The following FOXI2 variants were observed in gnomAD, a reference collection of about 807,000 sequenced individuals.
FOXI2 encodes forkhead box protein I2.
Under a neutral mutation model 14.3 loss-of-function variants are expected in FOXI2, and 17 were observed. The ratio of observed to expected loss-of-function variants is 1.19; its 90% CI spans 0.81 to 1.78. The LOEUF is 1.78. Among genes scored for constraint, FOXI2 ranks in the 40% most tolerant of loss-of-function variants. The pLI, the probability that FOXI2 is intolerant of heterozygous loss-of-function variation, is 0.00. For missense variants in FOXI2, 541 were observed against 460.0 expected (o/e 1.18, Z -1.61); for synonymous variants, 240 against 218.8 (o/e 1.10, Z -0.85).
In FOXI2 at chr10:127,740,040, A is replaced by C. The variant is rs1846495024; in HGVS notation, c.*1075A>C. On this transcript the variant is annotated 3_prime_UTR_variant, in exon 2 of 2. Transcript: ENST00000388920. ...CACCCACACTCACACCCACACTCAC[A>C]CTGACACCCACACTCACACCCACAC... is the stretch of plus-strand genomic sequence containing the variant. 2.5e-5 allele frequency: 3 copies of C among 119,114 alleles called. No homozygotes were observed. The highest frequency in any genetic ancestry group is 5.3e-5 in the Non-Finnish European group (3 of 56,740). The allele number at this position is 119,114 out of a possible 1,614,324, so 7.4% of individuals were successfully genotyped here. A position where few individuals can be genotyped will look rare whatever the true frequency, so the allele number is the denominator to read the frequency against.
rs1455881208 is a variant in FOXI2 at position 127,739,895 on chromosome 10, ACACT to A, written c.*934_*937del. The A allele has an allele frequency of 3.0e-4, 13 of 43,264 alleles. No individual in the cohort carries two copies. Among genetic ancestry groups the A allele is most frequent in the South Asian group, 1.9e-3 (1 of 518 alleles). 2.7% of individuals were successfully genotyped at this position (43,264 alleles called of 1,614,324 possible). On this transcript the variant is annotated 3_prime_UTR_variant, in exon 2 of 2. Transcript: ENST00000388920. ...CACACTCACACCCACACCCACACCC[ACACT>A]CACACACACTCACACCCACACCCAC...
At position 127,740,076 on chromosome 10, in the gene FOXI2, A is replaced by T. The variant is rs1328557722; in HGVS notation, c.*1111A>T. ...CACTCACACCCACACTCATACTCACACTCACACCCACACTCACACTCACAC... is the reference window on the plus strand; with the variant it reads ...CACTCACACCCACACTCATACTCACTCTCACACCCACACTCACACTCACAC... On this transcript the variant is annotated 3_prime_UTR_variant, in exon 2 of 2. Transcript: ENST00000388920. 8.0e-6 allele frequency: 1 copy of T among 124,762 alleles called. No homozygotes were observed. Among genetic ancestry groups the T allele is most frequent in the Admixed American group, 8.2e-5 (1 of 12,250 alleles). 7.7% of individuals were successfully genotyped at this position (124,762 alleles called of 1,614,324 possible). A position where few individuals can be genotyped will look rare whatever the true frequency, so the allele number is the denominator to read the frequency against.
chr10:127,737,359 C>G lies in FOXI2; in HGVS notation c.86C>G (p.Pro29Arg). The change falls in exon 1 of 2, where the codon CCA (proline) becomes CGA (arginine). Residue 29 changes from proline (P) to arginine (R), a missense_variant. By Grantham distance (103) the Pro-to-Arg change is moderately radical. Coordinates refer to ENST00000388920, the MANE Select transcript of FOXI2 (RefSeq NM_207426.3). ...ACCGCGCACCCCCCGGGCTATGAGC[C>G]AGGGGATCTGGGCGCGGTGGGCGGG... The part of the protein sequence containing the change: ...QATAHPPGYE[P>R]GDLGAVGGGP... 7.1e-7 allele frequency: 1 copy of G among 1,415,512 alleles called. No individual in the cohort carries two copies. Among genetic ancestry groups the G allele is most frequent in the Non-Finnish European group, 9.1e-7 (1 of 1,099,844 alleles). The allele number at this position is 1,415,512 out of a possible 1,614,324, so 87.7% of individuals were successfully genotyped here.
At chr10:127,738,166 C>T (rs1200845849) in intron 1 of FOXI2, among the ~76,000 whole-genome samples, 1 of 152,162 alleles carries the variant, frequency 6.6e-6, no homozygotes, top group Non-Finnish European at 1.5e-5. Context: ...AATAGGATGC[C>T]CGTTTGGAAA....
At position 127,741,035 on chromosome 10, in the gene FOXI2, A is replaced by G. The variant is rs145832367; in HGVS notation, c.*2070A>G. ...TAACTAAACTCACAACCAACCCGCA[A>G]TCTCTCTTGGGGGGACACTCCCCAT... On this transcript the variant is annotated 3_prime_UTR_variant, in exon 2 of 2. Transcript: ENST00000388920. 3 of 152,278 alleles carry G rather than the reference A, an allele frequency of 2.0e-5. No homozygotes were observed. The highest frequency in any genetic ancestry group is 2.1e-4 in the South Asian group (1 of 4,816). The allele number at this position is 152,278 out of a possible 1,614,324, so 9.4% of individuals were successfully genotyped here.
Position 127,737,234 on chromosome 10 carries a change from C to A in FOXI2, c.-40C>A. On this transcript the variant is annotated 5_prime_UTR_variant, in exon 1 of 2. Transcript: ENST00000388920. ...AGCTGGATGGGTCGCCAGTGAGTTT[C>A]GGTGCGGCACCGCTGGCCCAGGCCC... The A allele has an allele frequency of 6.8e-7, 1 of 1,464,684 alleles. No individual in the cohort carries two copies. Among genetic ancestry groups the A allele is most frequent in the South Asian group, 1.3e-5 (1 of 75,864 alleles). 90.7% of individuals were successfully genotyped at this position (1,464,684 alleles called of 1,614,324 possible).
rs746481067 is a variant in FOXI2 at position 127,738,803 on chromosome 10, C to A, written c.795C>A (p.Gly265=). ...LAGGLGTFPG[G]LAGDFSFGRR... Reference sequence around the variant, plus strand: ...GCGGCCTTGGCACCTTCCCCGGGGGCCTGGCGGGCGACTTTTCTTTCGGGA... The same window carrying A: ...GCGGCCTTGGCACCTTCCCCGGGGGACTGGCGGGCGACTTTTCTTTCGGGA... The change falls in exon 2 of 2, where the codon GGC becomes GGA. Residue 265 remains glycine, a synonymous_variant. Transcript: ENST00000388920. The A allele has an allele frequency of 9.3e-6, 15 of 1,606,222 alleles. No homozygotes were observed. Among genetic ancestry groups the A allele is most frequent in the Non-Finnish European group, 1.3e-5 (15 of 1,177,090 alleles).
Position 127,740,069 on chromosome 10 carries a change from T to TGACACCCACACCCAC in FOXI2, c.*1104_*1105insGACACCCACACCCAC, listed in dbSNP as rs1554874515. On this transcript the variant is annotated 3_prime_UTR_variant, in exon 2 of 2. Coordinates refer to ENST00000388920, the MANE Select transcript of FOXI2 (RefSeq NM_207426.3). The stretch of plus-strand genomic sequence containing the variant: ...ACACCCACACTCACACCCACACTCA[T>TGACACCCACACCCAC]ACTCACACTCACACCCACACTCACA... 3 of 62,064 alleles carry TGACACCCACACCCAC rather than the reference T, an allele frequency of 4.8e-5. No individual in the cohort carries two copies. Among genetic ancestry groups the TGACACCCACACCCAC allele is most frequent in the Admixed American group, 1.6e-4 (1 of 6,064 alleles). 3.8% of individuals were successfully genotyped at this position (62,064 alleles called of 1,614,324 possible).
Position 127,738,768 on chromosome 10 carries a change from G to C in FOXI2, c.760G>C (p.Ala254Pro), listed in dbSNP as rs754073790. 1 of 1,604,836 alleles carries C rather than the reference G, an allele frequency of 6.2e-7. No homozygotes were observed. The highest frequency in any genetic ancestry group is 8.5e-7 in the Non-Finnish European group (1 of 1,176,502). The change falls in exon 2 of 2, where the codon GCT (alanine) becomes CCT (proline). Residue 254 changes from alanine to proline, a missense_variant. Coordinates refer to ENST00000388920, the MANE Select transcript of FOXI2 (RefSeq NM_207426.3). Reference protein sequence around the residue: ...CFSGFASAMSALAGGLGTFPG... With the variant: ...CFSGFASAMSPLAGGLGTFPG... ...CTCCGGTTTCGCTTCTGCTATGAGCGCTCTGGCTGGCGGCCTTGGCACCTT... is the reference window on the plus strand; with the variant it reads ...CTCCGGTTTCGCTTCTGCTATGAGCCCTCTGGCTGGCGGCCTTGGCACCTT...
rs1564749044 is a variant in FOXI2 at position 127,739,827 on chromosome 10, C to CCACACT, written c.*867_*868insTCACAC. 2.5e-4 allele frequency: 18 copies of CCACACT among 71,924 alleles called. No homozygotes were observed. The highest frequency in any genetic ancestry group is 8.4e-4 in the African/African-American group (14 of 16,580). The allele number at this position is 71,924 out of a possible 1,614,324, so 4.5% of individuals were successfully genotyped here. On this transcript the variant is annotated 3_prime_UTR_variant, in exon 2 of 2. Coordinates refer to ENST00000388920, the MANE Select transcript of FOXI2 (RefSeq NM_207426.3). ...CCCACACTCACACCCACACCCACAC[C>CCACACT]CACACCCACACTCACACTCACACTC...
Position 127,739,838 on chromosome 10 carries a change from CTCACACTCACACTCACACCCACACT to C in FOXI2, c.*874_*898del, listed in dbSNP as rs1846477732. On this transcript the variant is annotated 3_prime_UTR_variant, in exon 2 of 2. Transcript: ENST00000388920. Reference sequence around the variant, plus strand: ...ACCCACACCCACACCCACACCCACACTCACACTCACACTCACACCCACACTCACACCCACACTCACACCCACACCC... The same window carrying C: ...ACCCACACCCACACCCACACCCACACCACACCCACACTCACACCCACACCC... 1.1e-5 allele frequency: 1 copy of C among 87,044 alleles called. No individual in the cohort carries two copies. Among genetic ancestry groups the C allele is most frequent in the African/African-American group, 4.7e-5 (1 of 21,372 alleles). The allele number at this position is 87,044 out of a possible 1,614,324, so 5.4% of individuals were successfully genotyped here.
rs1384695353 is a variant in FOXI2, at chr10:127,741,011, A to G, written c.*2046A>G. 1.3e-5 allele frequency: 2 copies of G among 152,182 alleles called. No homozygotes were observed. The highest frequency in any genetic ancestry group is 2.9e-5 in the Non-Finnish European group (2 of 68,040). The allele number at this position is 152,182 out of a possible 1,614,324, so 9.4% of individuals were successfully genotyped here. ...TGTGTTGAAGGTGATGATGTCGCCT[A>G]ACTAAACTCACAACCAACCCGCAAT... On this transcript the variant is annotated 3_prime_UTR_variant, in exon 2 of 2. Transcript: ENST00000388920.
Position 127,737,771 on chromosome 10 carries a change from C to A in FOXI2, c.498C>A (p.Asp166Glu), listed in dbSNP as rs763144665. 1.2e-6 allele frequency: 2 copies of A among 1,611,090 alleles called. No homozygotes were observed. The highest frequency in any genetic ancestry group is 1.7e-6 in the Non-Finnish European group (2 of 1,178,698). Residue 166 changes from aspartate to glutamate, a missense_variant, in exon 1 of 2, where the codon GAC becomes GAA. Asp to Glu is a conservative substitution (Grantham distance 45). Transcript: ENST00000388920. ...ACTGCTTCAAGAAGGTGCCCCGCGA[C>A]GAGGACGACCCAGGTAACAGCGGCG... is the stretch of plus-strand genomic sequence containing the variant. Reference protein sequence around the residue: ...LNDCFKKVPRDEDDPGKGNYW... With the variant: ...LNDCFKKVPREEDDPGKGNYW...
intron 1 of FOXI2, 72 bp from the exon 2 acceptor site, chr10:127,738,448 C>T (rs1846444898): frequency 4.1e-6 from 5 of 1,227,976 alleles, no homozygotes; most frequent in Non-Finnish European, 5.7e-6. Context: ...CTGAAGCTGA[C>T]CTCCTCGCTG....
rs752161138 is a variant in FOXI2 at position 127,738,946 on chromosome 10, G to GGGAAGGGACCGAAGTTTGAAGGGAGCCT, written c.*6_*7insCCTGGAAGGGACCGAAGTTTGAAGGGAG. On this transcript the variant is annotated stop_gained and frameshift_variant, in exon 2 of 2. Coordinates refer to ENST00000388920, the MANE Select transcript of FOXI2 (RefSeq NM_207426.3). LOFTEE classifies it high-confidence loss of function. ...CGCCTCAGTCACCTCCTCTACAGCCGGGAAGGGACCGAAGTTTGAAGGGAG... is the reference window on the plus strand; with the variant it reads ...CGCCTCAGTCACCTCCTCTACAGCCGGGAAGGGACCGAAGTTTGAAGGGAGCCTGGAAGGGACCGAAGTTTGAAGGGAG... 6.2e-7 allele frequency: 1 copy of GGGAAGGGACCGAAGTTTGAAGGGAGCCT among 1,600,796 alleles called. No individual in the cohort carries two copies. Among genetic ancestry groups the GGGAAGGGACCGAAGTTTGAAGGGAGCCT allele is most frequent in the South Asian group, 1.1e-5 (1 of 90,994 alleles).
At chr10:127,737,883 C>A in intron 1 of FOXI2, 99 bp downstream of exon 1, 1 of 1,506,806 alleles carries the variant, frequency 6.6e-7, no homozygotes, top group Non-Finnish European at 8.9e-7. Context: ...AACCTAATTT[C>A]TCCCTGCGCG....
In FOXI2 at chr10:127,738,812, C is replaced by A. The variant is rs375712961; in HGVS notation, c.804C>A (p.Gly268=). The A allele has an allele frequency of 1.8e-4, 287 of 1,606,428 alleles. 1 individual carries two copies. In the African/African-American group the frequency reaches 3.4e-3, roughly 19 times the overall value. The stretch of plus-strand genomic sequence containing the variant: ...GCACCTTCCCCGGGGGCCTGGCGGG[C>A]GACTTTTCTTTCGGGAGGCGGCCAC... ...GLGTFPGGLA[G]DFSFGRRPPT... is the part of the protein sequence containing the mutation. The change falls in exon 2 of 2, where the codon GGC becomes GGA. Residue 268 remains glycine (G), a synonymous_variant. Transcript: ENST00000388920.
At chr10:127,737,902 T>A in intron 1 of FOXI2, 118 bp downstream of exon 1, 1 of 1,450,608 alleles carries the variant, frequency 6.9e-7, no homozygotes, top group Non-Finnish European at 9.2e-7. Flanking sequence ...CGGTTGGGGA[T>A]ACCCGGGGAG....
chr10:127,739,252 A>T lies in FOXI2; in HGVS notation c.*287A>T. The T allele has an allele frequency of 2.5e-6, 1 of 401,822 alleles. No individual in the cohort carries two copies. The highest frequency in any genetic ancestry group is 4.4e-6 in the Non-Finnish European group (1 of 227,376). 24.9% of individuals were successfully genotyped at this position (401,822 alleles called of 1,614,324 possible). A position where few individuals can be genotyped will look rare whatever the true frequency, so the allele number is the denominator to read the frequency against. ...CGTCTAGAACCTGTGCTCTCGAGGGATTTGCCTTGAAGGGGCGGCGGGTCG... is the reference window on the plus strand; with the variant it reads ...CGTCTAGAACCTGTGCTCTCGAGGGTTTTGCCTTGAAGGGGCGGCGGGTCG... On this transcript the variant is annotated 3_prime_UTR_variant, in exon 2 of 2. Coordinates refer to ENST00000388920, the MANE Select transcript of FOXI2 (RefSeq NM_207426.3).
Sources: allele counts gnomAD v4.1 joint callset (sites outside exome capture counted in the v4.1 genomes callset), GRCh38; gene constraint gnomAD v4.1.1; transcripts MANE v1.5; gene names NCBI Gene and HGNC (gene_info 2026-07-23, HGNC 2026-07-21).